Variants in MCFD2 observed in about 807,000 individuals in gnomAD.
MCFD2 encodes multiple coagulation factor deficiency 2, ER cargo receptor complex subunit.
A neutral mutation model predicts 12.8 loss-of-function variants in MCFD2; 11 were observed. The observed-to-expected ratio is 0.86, with a 90% CI of 0.54 to 1.42. The LOEUF is 1.42. MCFD2 is among the 40% of genes most tolerant of loss of function. MCFD2 has a pLI of 0.00. For missense variants in MCFD2, 191 were observed against 178.6 expected (o/e 1.07, Z -0.40); for synonymous variants, 70 against 68.1 (o/e 1.03, Z -0.14).
In MCFD2 at chr2:46,937,246, A is replaced by G. The variant is rs907474856; in HGVS notation, c.-8+4326T>C. ...TATCTTTTAGACCTCCCCTGCCCCAATATCACAGCTGAAACCTGCTATTTC... is the reference window on the plus strand; with the variant it reads ...TATCTTTTAGACCTCCCCTGCCCCAGTATCACAGCTGAAACCTGCTATTTC... On this transcript the variant is annotated intron_variant, in intron 1 of 2. Coordinates refer to the MCFD2 transcript ENST00000409147. This position sits in a 1 kb window ranked among gnomAD's most constrained non-coding sequence, Gnocchi z 4.0. 9.1e-4 allele frequency among the ~76,000 whole-genome samples: 139 copies of G among 152,158 alleles called. 1 individual carries two copies. Among genetic ancestry groups the G allele is most frequent in the African/African-American group, 3.2e-3 (132 of 41,524 alleles).
At chr2:46,928,160 G>A (rs967701239) in intron 1 of MCFD2, among the ~76,000 whole-genome samples, 5 of 151,736 alleles carry the variant, frequency 3.3e-5, no homozygotes, top group Non-Finnish European at 4.4e-5. Flanking sequence ...CCAAAGTGCC[G>A]GGATTACAGG....
In MCFD2 at chr2:46,915,804, T is replaced by TGGGGGGGGGGGGGGGGGGGGGGGC; in HGVS notation, c.-89_-88insGCCCCCCCCCCCCCCCCCCCCCCC. On this transcript the variant is annotated 5_prime_UTR_variant, in exon 1 of 4. Coordinates refer to ENST00000319466, the MANE Select transcript of MCFD2 (RefSeq NM_139279.6). The stretch of plus-strand genomic sequence containing the variant: ...GTCCCCAAAACGCTCTTCCTCGGCT[T>TGGGGGGGGGGGGGGGGGGGGGGGC]CGCCCCGCCCCCCCCCCCCCCCCGA... 1.8e-6 allele frequency: 1 copy of TGGGGGGGGGGGGGGGGGGGGGGGC among 568,430 alleles called. No homozygotes were observed. Among genetic ancestry groups the TGGGGGGGGGGGGGGGGGGGGGGGC allele is most frequent in the Non-Finnish European group, 2.0e-6 (1 of 510,736 alleles). 35.2% of individuals were successfully genotyped at this position (568,430 alleles called of 1,614,324 possible).
At chr2:46,905,773 G>A in intron 3 of MCFD2, 179 bp from the exon 4 acceptor site, 1 of 660,284 alleles carries the variant, frequency 1.5e-6, no homozygotes, top group East Asian at 2.8e-5. Context: ...TTTCAATGGA[G>A]TATGGGGCTA....
intron 1 of MCFD2, among the ~76,000 whole-genome samples, chr2:46,934,945 C>A (rs772110307): frequency 6.6e-6 from 1 of 151,504 alleles, no homozygotes; most frequent in Non-Finnish European, 1.5e-5. Context: ...GAACTACAGG[C>A]GCGCACCACC....
chr2:46,911,475 T>C (rs1668484081), intron 1 of MCFD2, among the ~76,000 whole-genome samples: 1 of 150,500 alleles, frequency 6.6e-6, no homozygotes, highest in South Asian at 2.1e-4. Flanking sequence ...AAAAGCAATA[T>C]GTCATACTTA....
upstream of MCFD2, among the ~76,000 whole-genome samples, chr2:46,918,231 C>T (rs1572629151): frequency 6.6e-6 from 1 of 152,324 alleles, no homozygotes; most frequent in Non-Finnish European, 1.5e-5. Context: ...CACTGGTACT[C>T]ATTCTGTTGT....
chr2:46,941,030 G>T lies in MCFD2; in HGVS notation c.-8+542C>A. 2 of 152,004 alleles carry T rather than the reference G, an allele frequency of 1.3e-5. No homozygotes were observed. The highest frequency in any genetic ancestry group is 3.7e-4 in the South Asian group (2 of 5,350). The allele number at this position is 152,004 out of a possible 1,614,324, so 9.4% of individuals were successfully genotyped here. On this transcript the variant is annotated intron_variant, in intron 1 of 2. Coordinates refer to the MCFD2 transcript ENST00000409147. This position sits in a 1 kb window ranked among gnomAD's most constrained non-coding sequence, Gnocchi z 4.2. ...TCCGCGCGGGATTAAAGTGAGCTCC[G>T]ACTCCGCGGCGGGGGCGGCGGCGGG...
intron 1 of MCFD2, chr2:46,913,959 TCA>T (rs999941895): frequency 1.3e-5 from 2 of 152,486 alleles, no homozygotes; most frequent in East Asian, 1.9e-4. Context: ...CTGTAGCCTC[TCA>T]CACTCATTTG....
upstream of MCFD2, chr2:46,915,847 C>G: frequency 1.0e-6 from 1 of 953,704 alleles, no homozygotes. Context: ...TGCGCACGCG[C>G]GCTCCCTGCC....
At position 46,902,295 on chromosome 2, in the gene MCFD2, C is replaced by G. The variant is rs1008490886; in HGVS notation, c.*3168G>C. On this transcript the variant is annotated 3_prime_UTR_variant, in exon 4 of 4. Transcript: ENST00000319466. ...CTAAAAGAGGTAACTTCAACAATAT[C>G]CCTCTTGACTAGAACTTCTATCTGA... 6.6e-6 allele frequency: 1 copy of G among 152,600 alleles called. No homozygotes were observed. The highest frequency in any genetic ancestry group is 1.5e-5 in the Non-Finnish European group (1 of 68,038). The allele number at this position is 152,600 out of a possible 1,614,324, so 9.5% of individuals were successfully genotyped here.
At chr2:46,915,536 G>A (rs996879941) in intron 1 of MCFD2, among the ~76,000 whole-genome samples, 187 bp downstream of exon 1, 13 of 152,146 alleles carry the variant, frequency 8.5e-5, no homozygotes, top group African/African-American at 3.1e-4. Context: ...CAGAGCCCCC[G>A]GTGGGGCACA....
rs1386416073 is a variant in MCFD2, at chr2:46,941,301, C to T, written c.-8+271G>A. 2 of 182,736 alleles carry T rather than the reference C, an allele frequency of 1.1e-5. No individual in the cohort carries two copies. Among genetic ancestry groups the T allele is most frequent in the Non-Finnish European group, 2.2e-5 (2 of 91,426 alleles). The allele number at this position is 182,736 out of a possible 1,614,324, so 11.3% of individuals were successfully genotyped here. A position where few individuals can be genotyped will look rare whatever the true frequency, so the allele number is the denominator to read the frequency against. On this transcript the variant is annotated intron_variant, in intron 1 of 2. Transcript: ENST00000409147. The surrounding 1 kb of genome is among the most constrained non-coding windows in gnomAD (Gnocchi z 4.2). ...CAGAGGCGGAGGTTGCTCCTGTACG[C>T]GTACGGGCCGCTCGGCCGGAGCCGC...
intron 1 of MCFD2, among the ~76,000 whole-genome samples, chr2:46,931,458 T>C (rs2103842033): frequency 6.6e-6 from 1 of 152,314 alleles, no homozygotes; most frequent in African/African-American, 2.4e-5. Flanking sequence ...GGGGAGATTA[T>C]CTTGGATGAT....
chr2:46,929,457 C>A (rs775185941), intron 1 of MCFD2, among the ~76,000 whole-genome samples: 91 of 152,108 alleles, frequency 6.0e-4, no homozygotes, highest in Non-Finnish European at 1.1e-3. Context: ...ACACTCCAGC[C>A]TGGGCAACAG....
At chr2:46,914,614 C>T (rs899613904) in intron 1 of MCFD2, among the ~76,000 whole-genome samples, 6 of 152,316 alleles carry the variant, frequency 3.9e-5, no homozygotes, top group African/African-American at 1.2e-4. Context: ...ACTAACAGCA[C>T]AAGGTACTGA....
chr2:46,928,842 TA>T (rs1210119772), intron 1 of MCFD2, among the ~76,000 whole-genome samples: 12 of 151,180 alleles, frequency 7.9e-5, no homozygotes, highest in African/African-American at 2.7e-4. Flanking sequence ...ACCAGAGGGG[TA>T]GGGGGGGAAG....
chr2:46,935,455 C>CT, intron 1 of MCFD2, among the ~76,000 whole-genome samples: 1 of 152,346 alleles, frequency 6.6e-6, no homozygotes, highest in Admixed American at 6.5e-5. Flanking sequence ...CACTTCATAA[C>CT]TATTCCAACT....
chr2:46,905,538 A>G lies in MCFD2; in HGVS notation c.366T>C (p.Asp122=), dbSNP rs147871488. 27 of 1,613,572 alleles carry G rather than the reference A, an allele frequency of 1.7e-5. No homozygotes were observed. The highest frequency in any genetic ancestry group is 3.3e-5 in the Admixed American group (2 of 60,012). ...MSEDELINII[D]GVLRDDDKNN... is the part of the protein sequence containing the mutation. Reference sequence around the variant, plus strand: ...TCTTGTCATCATCTCTCAAAACACCATCTATTATGTTAATCAGTTCATCTT... The same window carrying G: ...TCTTGTCATCATCTCTCAAAACACCGTCTATTATGTTAATCAGTTCATCTT... The change falls in exon 4 of 4, where the codon GAT becomes GAC. Residue 122 remains aspartate (D), a synonymous_variant. Transcript: ENST00000319466.
chr2:46,903,505 T>A lies in MCFD2; in HGVS notation c.*1958A>T, dbSNP rs148827063. ...GGAAAGTTTGGAACTTCCTACAGAC[T>A]TGTTGAATGGCTTTGCCCCAAATGC... On this transcript the variant is annotated 3_prime_UTR_variant, in exon 4 of 4. Transcript: ENST00000319466. 6.6e-6 allele frequency: 1 copy of A among 152,452 alleles called. No individual in the cohort carries two copies. Among genetic ancestry groups the A allele is most frequent in the Non-Finnish European group, 1.5e-5 (1 of 68,144 alleles). 9.4% of individuals were successfully genotyped at this position (152,452 alleles called of 1,614,324 possible).
Sources: gnomAD v4.1 joint callset for allele counts (sites outside exome capture counted in the v4.1 genomes callset) on GRCh38, gnomAD v4.1.1 for gene constraint, Gnocchi (gnomAD v3.1) non-coding constraint, MANE v1.5 for transcripts, NCBI Gene and HGNC (gene_info 2026-07-23, HGNC 2026-07-21) for gene names.